The following PDCD2L variants were observed in gnomAD, a reference collection of about 807,000 sequenced individuals.
PDCD2L encodes programmed cell death 2 like, also known as uS5 assembly chaperone PDCD2L.
Under a neutral mutation model 40.4 loss-of-function variants are expected in PDCD2L, and 44 were observed. The observed-to-expected ratio is 1.09, with a 90% CI of 0.86 to 1.40. The LOEUF (loss-of-function observed/expected upper bound fraction) is 1.40, where lower values mean the gene tolerates loss of function less well. Ranked by LOEUF, PDCD2L falls within the 40% of genes most tolerant of loss-of-function variation. PDCD2L has a pLI of 0.00. For missense variants in PDCD2L, 470 were observed against 453.7 expected, an observed-to-expected ratio of 1.04 and a Z score of -0.33; for synonymous variants, 194 against 174.6, an observed-to-expected ratio of 1.11 and a Z score of -0.88.
intron 5 of PDCD2L, among the ~76,000 whole-genome samples, chr19:34,419,179 T>A (rs1217763939): frequency 6.6e-6 from 1 of 152,136 alleles, no homozygotes; most frequent in African/African-American, 2.4e-5. Context: ...TTTTTTTTCT[T>A]GAGACGGAGT....
intron 3 of PDCD2L, among the ~76,000 whole-genome samples, chr19:34,405,638 C>T (rs929899252): frequency 5.3e-5 from 8 of 151,224 alleles, no homozygotes; most frequent in Admixed American, 2.0e-4. Context: ...CGGTGGCTTA[C>T]GCCTGTAATC....
chr19:34,409,574 C>T, intron 4 of PDCD2L, 64 bp downstream of exon 4: 1 of 1,447,148 alleles, frequency 6.9e-7, no homozygotes, highest in Admixed American at 1.8e-5. Context: ...AAGAGTTACC[C>T]TTCAGTTTCA....
At position 34,416,897 on chromosome 19, in the gene PDCD2L, C is replaced by T. The variant is rs139931477; in HGVS notation, c.797+3050C>T. Among the ~76,000 whole-genome samples, 891 of 152,222 alleles carry T rather than the reference C, an allele frequency of 5.9e-3. 8 individuals carry two copies. The highest frequency in any genetic ancestry group is 0.021 in the African/African-American group (858 of 41,532). On this transcript the variant is annotated intron_variant, in intron 5 of 6. Coordinates refer to ENST00000246535, the MANE Select transcript of PDCD2L (RefSeq NM_032346.2). ...TTGGGAGGCCGAGGCGGGTGGATCA[C>T]GAGGTCAGTAGATCGAGACCATTCC...
intron 3 of PDCD2L, among the ~76,000 whole-genome samples, chr19:34,407,662 C>A (rs2075083091): frequency 6.6e-6 from 1 of 151,660 alleles, no homozygotes; most frequent in South Asian, 2.1e-4. Context: ...TTTAAACTTA[C>A]ACTGAAGGTC....
At chr19:34,413,119 A>T (rs530695656) in intron 4 of PDCD2L, among the ~76,000 whole-genome samples, 3 of 149,762 alleles carry the variant, frequency 2.0e-5, no homozygotes, top group Non-Finnish European at 4.4e-5. Flanking sequence ...GCTCACTGCA[A>T]CCTCCATCTC....
chr19:34,425,810 TTTG>T (rs1416372371), intron 6 of PDCD2L, among the ~76,000 whole-genome samples, 177 bp from the exon 7 acceptor site: 1 of 152,260 alleles, frequency 6.6e-6, no homozygotes, highest in Non-Finnish European at 1.5e-5. Context: ...ATTTTGCTTT[TTTG>T]TTATCAATAT....
At chr19:34,409,137 C>T in intron 3 of PDCD2L, 24 bp from the exon 4 acceptor site, 5 of 1,597,466 alleles carry the variant, frequency 3.1e-6, no homozygotes, top group African/African-American at 1.3e-5. Flanking sequence ...GTGCTCGGAC[C>T]TCATTCACTG....
intron 5 of PDCD2L, among the ~76,000 whole-genome samples, 172 bp downstream of exon 5, chr19:34,414,019 G>C (rs1189080037): frequency 6.6e-6 from 1 of 152,108 alleles, no homozygotes; most frequent in Non-Finnish European, 1.5e-5. Flanking sequence ...AGGATGTGTA[G>C]GAGGATTCAG....
At chr19:34,412,464 A>G (rs1351523989) in intron 4 of PDCD2L, among the ~76,000 whole-genome samples, 1 of 152,112 alleles carries the variant, frequency 6.6e-6, no homozygotes, top group Non-Finnish European at 1.5e-5. Flanking sequence ...GCTCACTCCT[A>G]TAATTCCAGC....
intron 5 of PDCD2L, among the ~76,000 whole-genome samples, chr19:34,419,652 T>C (rs2075140475): frequency 6.6e-6 from 1 of 151,856 alleles, no homozygotes; most frequent in Non-Finnish European, 1.5e-5. Flanking sequence ...TTCCATTTGG[T>C]GGGGTTTTTT....
At chr19:34,421,907 G>A in intron 6 of PDCD2L, 1 of 322,094 alleles carries the variant, frequency 3.1e-6, no homozygotes, top group African/African-American at 2.2e-5. Flanking sequence ...GGCCAATGTG[G>A]TGAAACCCTG....
intron 5 of PDCD2L, among the ~76,000 whole-genome samples, chr19:34,416,148 C>T (rs564642813): frequency 4.6e-5 from 7 of 152,200 alleles, no homozygotes; most frequent in African/African-American, 1.4e-4. Flanking sequence ...CTCGAACTCC[C>T]GACTTCTGGT....
chr19:34,417,666 A>C (rs1363207824), intron 5 of PDCD2L, among the ~76,000 whole-genome samples: 1 of 152,180 alleles, frequency 6.6e-6, no homozygotes, highest in Admixed American at 6.6e-5. Flanking sequence ...AGATCAAAGT[A>C]CTGGTATAGA....
At chr19:34,417,084 A>G (rs2075129672) in intron 5 of PDCD2L, among the ~76,000 whole-genome samples, 1 of 152,174 alleles carries the variant, frequency 6.6e-6, no homozygotes, top group Non-Finnish European at 1.5e-5. Flanking sequence ...ACTGCACTCC[A>G]GCCTGGGTGA....
At chr19:34,411,026 A>C (rs1182721109) in intron 4 of PDCD2L, among the ~76,000 whole-genome samples, 1 of 151,520 alleles carries the variant, frequency 6.6e-6, no homozygotes, top group Non-Finnish European at 1.5e-5. Flanking sequence ...CTCGTGATCC[A>C]CCTGCCTTGG....
chr19:34,405,439 C>T (rs2075070088), intron 3 of PDCD2L, among the ~76,000 whole-genome samples: 1 of 151,416 alleles, frequency 6.6e-6, no homozygotes, highest in African/African-American at 2.4e-5. Flanking sequence ...AGCCACCGCG[C>T]CCGGCCTTTC....
chr19:34,412,588 C>T (rs2075108763), intron 4 of PDCD2L, among the ~76,000 whole-genome samples: 2 of 151,690 alleles, frequency 1.3e-5, no homozygotes, highest in Non-Finnish European at 2.9e-5. Flanking sequence ...CGTGTTGGCG[C>T]ACACTTGCAA....
chr19:34,421,774 A>G (rs2075152580), intron 6 of PDCD2L, 107 bp downstream of exon 6: 2 of 1,380,550 alleles, frequency 1.4e-6, no homozygotes, highest in Non-Finnish European at 1.9e-6. Context: ...ATTACAGAAA[A>G]TTTGGGAATT....
intron 4 of PDCD2L, among the ~76,000 whole-genome samples, chr19:34,411,899 C>G (rs1163714781): frequency 2.0e-5 from 3 of 149,640 alleles, no homozygotes; most frequent in Non-Finnish European, 4.4e-5. Context: ...AAGTGACCCA[C>G]TCTCCTTGGC....
Sources: gnomAD v4.1 joint callset for allele counts (sites outside exome capture counted in the v4.1 genomes callset) on GRCh38, gnomAD v4.1.1 for gene constraint, MANE v1.5 for transcripts, NCBI Gene and HGNC (gene_info 2026-07-23, HGNC 2026-07-21) for gene names.